ZNF521: variants seen among roughly 807,000 people sequenced by gnomAD.
ZNF521 encodes LYST-interacting protein 3.
Under a neutral mutation model 105.5 loss-of-function variants are expected in ZNF521, and 14 were observed. The ratio of observed to expected loss-of-function variants is 0.13; its 90% CI spans 0.09 to 0.21. The LOEUF (loss-of-function observed/expected upper bound fraction) is 0.21. Among genes scored for constraint, ZNF521 ranks in the 10% least tolerant of loss-of-function variants. ZNF521 has a pLI of 1.00. For missense variants in ZNF521, 1,233 were observed against 1,629.7 expected (o/e 0.76, Z 4.19); for synonymous variants, 635 against 606.0 (o/e 1.05, Z -0.70).
At chr18:25,141,796 T>C (rs1488933292) in intron 5 of ZNF521, among the ~76,000 whole-genome samples, 1 of 152,130 alleles carries the variant, frequency 6.6e-6, no homozygotes, top group Non-Finnish European at 1.5e-5. Context: ...AATACTCTAA[T>C]GAGTATAAAC....
At chr18:25,125,110 T>A (rs1234784677) in intron 5 of ZNF521, among the ~76,000 whole-genome samples, 3 of 152,154 alleles carry the variant, frequency 2.0e-5, no homozygotes, top group African/African-American at 7.2e-5. Context: ...AGGTATAAAT[T>A]CACCCTCCAC....
At chr18:25,178,095 A>C (rs996630357) in intron 5 of ZNF521, among the ~76,000 whole-genome samples, 1 of 152,230 alleles carries the variant, frequency 6.6e-6, no homozygotes, top group African/African-American at 2.4e-5. Flanking sequence ...AACTGTGATG[A>C]ACATCATAAA....
chr18:25,163,138 T>G lies in ZNF521; in HGVS notation c.3658+32022A>C, dbSNP rs144147887. 1.5e-3 allele frequency among the ~76,000 whole-genome samples: 234 copies of G among 152,290 alleles called. 1 individual carries two copies. The highest frequency in any genetic ancestry group is 5.5e-3 in the African/African-American group (229 of 41,574). On this transcript the variant is annotated intron_variant, in intron 5 of 7. Coordinates refer to ENST00000361524, the MANE Select transcript of ZNF521 (RefSeq NM_015461.3). ...GCTTTCTAATCAATGAACCAAGGTT[T>G]ATATACCGTAGGTCCTACAGCTTTG... is the stretch of plus-strand genomic sequence containing the variant.
chr18:25,214,752 T>C (rs1326209447), intron 4 of ZNF521, among the ~76,000 whole-genome samples: 1 of 152,174 alleles, frequency 6.6e-6, no homozygotes, highest in Non-Finnish European at 1.5e-5. Context: ...GTTTTAAGTT[T>C]ATTGAGATAA....
chr18:25,158,722 G>A (rs1192598496), intron 5 of ZNF521, among the ~76,000 whole-genome samples: 2 of 151,986 alleles, frequency 1.3e-5, no homozygotes, highest in East Asian at 3.9e-4. Flanking sequence ...TTGGGAGGTC[G>A]AGGCAGGTGG....
At chr18:25,084,180 TCC>T (rs1180846346) in intron 7 of ZNF521, among the ~76,000 whole-genome samples, 1 of 151,194 alleles carries the variant, frequency 6.6e-6, no homozygotes, top group Non-Finnish European at 1.5e-5. Flanking sequence ...TAACAAGGAC[TCC>T]TAAAGGCCTC....
At chr18:25,205,000 A>G (rs79675271) in intron 4 of ZNF521, among the ~76,000 whole-genome samples, 6,480 of 152,096 alleles carry the variant, frequency 0.043, 190 homozygotes, top group South Asian at 0.068. Flanking sequence ...GTCATTCTAA[A>G]TCCATCACCT....
intron 5 of ZNF521, among the ~76,000 whole-genome samples, chr18:25,186,872 C>A (rs68128500): frequency 0.14 from 21,105 of 147,538 alleles, 1,931 homozygotes; most frequent in East Asian, 0.31. Flanking sequence ...AAATGTCACC[C>A]ACCACTTACT....
chr18:25,212,153 T>C (rs550395235), intron 4 of ZNF521, among the ~76,000 whole-genome samples: 167 of 152,250 alleles, frequency 1.1e-3, no homozygotes, highest in Non-Finnish European at 1.5e-3. Flanking sequence ...GTCATGTGAC[T>C]TTTCATTCTT....
intron 3 of ZNF521, among the ~76,000 whole-genome samples, chr18:25,239,084 G>T (rs1907127766): frequency 6.6e-6 from 1 of 152,060 alleles, no homozygotes; most frequent in South Asian, 2.1e-4. Context: ...AGACCAAATT[G>T]AATCCCAGTT....
At chr18:25,269,524 GAC>G (rs1228548959) in intron 3 of ZNF521, among the ~76,000 whole-genome samples, 1 of 152,062 alleles carries the variant, frequency 6.6e-6, no homozygotes, top group East Asian at 1.9e-4. Flanking sequence ...TTCTATAATT[GAC>G]CACATAATTG....
intron 3 of ZNF521, among the ~76,000 whole-genome samples, chr18:25,232,607 T>TC (rs1248221433): frequency 1.3e-5 from 2 of 152,160 alleles, no homozygotes; most frequent in South Asian, 4.1e-4. Flanking sequence ...AGACCATAAA[T>TC]CTGTGCTTAC....
chr18:25,083,390 G>C (rs925939584), intron 7 of ZNF521, among the ~76,000 whole-genome samples: 9 of 152,210 alleles, frequency 5.9e-5, no homozygotes, highest in Non-Finnish European at 1.3e-4. Flanking sequence ...CTGAGGTAGA[G>C]ATTTTGTTTT....
At chr18:25,316,325 A>T (rs1195800023) in intron 3 of ZNF521, among the ~76,000 whole-genome samples, 1 of 106,744 alleles carries the variant, frequency 9.4e-6, no homozygotes, top group African/African-American at 3.5e-5. Context: ...AACGAATTTA[A>T]AAAAAAAAAA....
intron 4 of ZNF521, among the ~76,000 whole-genome samples, chr18:25,209,021 T>C (rs12606554): frequency 0.081 from 12,331 of 152,306 alleles, 989 homozygotes; most frequent in African/African-American, 0.21. Flanking sequence ...ACAGCAGACT[T>C]TGTCAAGTTA....
chr18:25,269,023 T>A (rs1256180664), intron 3 of ZNF521, among the ~76,000 whole-genome samples: 3 of 148,128 alleles, frequency 2.0e-5, no homozygotes, highest in African/African-American at 5.0e-5. Flanking sequence ...GTGTGCTGTA[T>A]CCAGGAGACT....
intron 3 of ZNF521, among the ~76,000 whole-genome samples, chr18:25,313,347 C>A (rs1912426676): frequency 6.7e-6 from 1 of 148,900 alleles, no homozygotes. Flanking sequence ...AAAAAAAAAA[C>A]TGCAGGATAC....
chr18:25,251,958 GC>G, intron 3 of ZNF521, among the ~76,000 whole-genome samples: 1 of 152,194 alleles, frequency 6.6e-6, no homozygotes, highest in South Asian at 2.1e-4. Context: ...ATTAAATTCT[GC>G]TCCACAATCA....
chr18:25,290,595 G>T (rs1258498448), intron 3 of ZNF521, among the ~76,000 whole-genome samples: 1 of 149,782 alleles, frequency 6.7e-6, no homozygotes, highest in South Asian at 2.1e-4. Flanking sequence ...TTGATGCACA[G>T]TAGGCCATAT....
Sources: allele counts gnomAD v4.1 joint callset (sites outside exome capture counted in the v4.1 genomes callset), GRCh38; gene constraint gnomAD v4.1.1; transcripts MANE v1.5; gene names NCBI Gene and HGNC (gene_info 2026-07-23, HGNC 2026-07-21).